The following TFRC variants were observed in gnomAD, a reference collection of about 807,000 sequenced individuals.
TFRC encodes transferrin receptor protein 1.
A neutral mutation model predicts 85.8 loss-of-function variants in TFRC; 35 were observed. The ratio of observed to expected loss-of-function variants is 0.41; its 90% CI spans 0.31 to 0.54. The LOEUF (loss-of-function observed/expected upper bound fraction) is 0.54, where lower values mean the gene tolerates loss of function less well. Among genes scored for constraint, TFRC ranks in the 20% least tolerant of loss-of-function variants. The pLI is 0.31. For synonymous variants in TFRC, 362 were observed against 328.6 expected (o/e 1.10, Z -1.10); for missense variants, 828 against 921.5 (o/e 0.90, Z 1.31).
At position 196,069,464 on chromosome 3, in the gene TFRC, A is replaced by G. The variant is rs779192331; in HGVS notation, c.792T>C (p.Phe264=). The G allele has an allele frequency of 1.6e-5, 25 of 1,603,666 alleles. 1 individual carries two copies. In the South Asian group the frequency reaches 2.8e-4, roughly 18 times the overall value. The change falls in exon 7 of 19, where the codon TTT becomes TTC. Residue 264 remains phenylalanine, a synonymous_variant. Coordinates refer to ENST00000360110, the MANE Select transcript of TFRC (RefSeq NM_001128148.3). Reference sequence around the variant, plus strand: ...AATAACTCATACTCACCTTTTCTGCAAAGGTGATTTTCCCTGCTCTGACAA... The same window carrying G: ...AATAACTCATACTCACCTTTTCTGCGAAGGTGATTTTCCCTGCTCTGACAA... ...IVIVRAGKIT[F]AEKVANAESL...
In TFRC at chr3:196,058,284, C is replaced by T; in HGVS notation, c.1677G>A (p.Glu559=). The T allele has an allele frequency of 6.2e-7, 1 of 1,613,436 alleles. No homozygotes were observed. Among genetic ancestry groups the T allele is most frequent in the Non-Finnish European group, 8.5e-7 (1 of 1,179,566 alleles). ...TTGTCATTTAAATGAACAGACTTAC[C>T]TCGCAAAAACAGAAAGAAACTGCTG... ...GIPAVSFCFC[E]DTDYPYLGTT... is the part of the protein sequence containing the mutation. Residue 559 remains glutamate, a splice_region_variant and synonymous_variant, in exon 16 of 19, where the codon GAG becomes GAA. Coordinates refer to ENST00000360110, the MANE Select transcript of TFRC (RefSeq NM_001128148.3).
chr3:196,056,469 G>A (rs776341812), intron 16 of TFRC, among the ~76,000 whole-genome samples: 6 of 152,150 alleles, frequency 3.9e-5, no homozygotes, highest in South Asian at 2.1e-4. Flanking sequence ...GCACGATCTC[G>A]GCTCACTGCA....
In TFRC at chr3:196,053,408, G is replaced by T; in HGVS notation, c.2040+10C>A. The T allele has an allele frequency of 3.1e-6, 5 of 1,614,012 alleles. No homozygotes were observed. The highest frequency in any genetic ancestry group is 4.2e-6 in the Non-Finnish European group (5 of 1,179,950). On this transcript the variant is annotated intron_variant, in intron 18 of 18. Transcript: ENST00000360110. ...TACTTTAGTTCCTCCTTTCCCAAAA[G>T]TTCACTTACTCTCATGACACGATCA...
rs151084235 is a variant in TFRC, at chr3:196,073,380, C to G, written c.434+550G>C. ...AGGCTATGGTAGGGGGATGAAGCTG[C>G]GGTGAGATGAGAGCACGCCACCGTA... On this transcript the variant is annotated intron_variant, in intron 4 of 18. Coordinates refer to ENST00000360110, the MANE Select transcript of TFRC (RefSeq NM_001128148.3). Among the ~76,000 whole-genome samples, 479 of 151,404 alleles carry G rather than the reference C, an allele frequency of 3.2e-3. 3 individuals carry two copies. The highest frequency in any genetic ancestry group is 0.011 in the African/African-American group (461 of 41,238).
intron 16 of TFRC, chr3:196,055,671 GTCTC>G (rs201252049): frequency 1.7e-5 from 5 of 295,774 alleles, no homozygotes; most frequent in Non-Finnish European, 2.6e-5. Context: ...TTGAGACGAG[GTCTC>G]TCTGTCACCC....
In TFRC at chr3:196,081,589, T is replaced by G. The variant is rs746324389; in HGVS notation, c.-24+454A>C. 6.6e-5 allele frequency among the ~76,000 whole-genome samples: 10 copies of G among 152,306 alleles called. No individual in the cohort carries two copies. The South Asian group carries it at 2.1e-3, about 32-fold the overall frequency. On this transcript the variant is annotated intron_variant, in intron 1 of 18. Transcript: ENST00000360110. ...GCGCCGCACGCCGCGCAGCTGCACCTTGGCTGCGCCCGCGCTCCCGGACCC... is the reference window on the plus strand; with the variant it reads ...GCGCCGCACGCCGCGCAGCTGCACCGTGGCTGCGCCCGCGCTCCCGGACCC...
intron 12 of TFRC, 91 bp downstream of exon 12, chr3:196,062,763 G>T (rs1717391188): frequency 8.3e-6 from 13 of 1,556,900 alleles, no homozygotes; most frequent in African/African-American, 4.1e-5. Context: ...AGGCAAAAGT[G>T]GTAAAATCAA....
rs1716228001 is a variant in TFRC at position 196,050,531 on chromosome 3, C to T, written c.*1411G>A. The T allele has an allele frequency of 1.5e-5, 3 of 203,424 alleles. No individual in the cohort carries two copies. Among genetic ancestry groups the T allele is most frequent in the East Asian group, 7.6e-5 (1 of 13,148 alleles). The allele number at this position is 203,424 out of a possible 1,614,324, so 12.6% of individuals were successfully genotyped here. A position where few individuals can be genotyped will look rare whatever the true frequency, so the allele number is the denominator to read the frequency against. On this transcript the variant is annotated 3_prime_UTR_variant, in exon 19 of 19. Transcript: ENST00000360110. ...TGTAACATATGGAGATCACTGTCTC[C>T]GATACAGACACTGTGGTAGGTAAAA... is the stretch of plus-strand genomic sequence containing the variant.
chr3:196,061,746 T>C (rs1717301714), intron 13 of TFRC, among the ~76,000 whole-genome samples: 1 of 152,114 alleles, frequency 6.6e-6, no homozygotes, highest in Non-Finnish European at 1.5e-5. Context: ...TGCCTTGGCC[T>C]CCCAAGTGCT....
chr3:196,068,051 T>G lies in TFRC; in HGVS notation c.881A>C (p.Glu294Ala). 1 of 1,613,076 alleles carries G rather than the reference T, an allele frequency of 6.2e-7. No homozygotes were observed. Among genetic ancestry groups the G allele is most frequent in the South Asian group, 1.1e-5 (1 of 90,670 alleles). Residue 294 changes from glutamate to alanine, a missense_variant, in exon 8 of 19, where the codon GAA (glutamate) becomes GCA (alanine). By Grantham distance (107) the Glu-to-Ala change is moderately radical (BLOSUM62 -1). Transcript: ENST00000360110. ...DQTKFPIVNA[E>A]LSFFGHAHLG... Reference sequence around the variant, plus strand: ...ACTCACATGTCCAAAGAATGAAAGTTCTGCGTTAACAATGGGAAATTTAGT... The same window carrying G: ...ACTCACATGTCCAAAGAATGAAAGTGCTGCGTTAACAATGGGAAATTTAGT...
chr3:196,077,511 G>C (rs1487655013), intron 1 of TFRC, among the ~76,000 whole-genome samples: 2 of 151,916 alleles, frequency 1.3e-5, no homozygotes, highest in East Asian at 2.0e-4. Flanking sequence ...TAGCACTTTG[G>C]GAGGCTGAGA....
rs781090564 is a variant in TFRC at position 196,065,424 on chromosome 3, G to C, written c.1198+19C>G. 4.8e-4 allele frequency: 338 copies of C among 710,652 alleles called. 29 individuals are homozygous for C. The highest frequency in any genetic ancestry group is 4.2e-3 in the South Asian group (189 of 45,124). The allele number at this position is 710,652 out of a possible 1,614,324, so 44.0% of individuals were successfully genotyped here. ...AACAAAAAAAAAGCGGGGCGGGGGG[G>C]GGGGGGGGCGGTCTTTACCTGGTTC... On this transcript the variant is annotated intron_variant, in intron 10 of 18. Coordinates refer to ENST00000360110, the MANE Select transcript of TFRC (RefSeq NM_001128148.3).
At chr3:196,078,592 G>C (rs1330022944) in intron 1 of TFRC, among the ~76,000 whole-genome samples, 1 of 151,920 alleles carries the variant, frequency 6.6e-6, no homozygotes, top group African/African-American at 2.4e-5. Flanking sequence ...GGGAGGTGGA[G>C]GTTGCAGTGA....
intron 7 of TFRC, among the ~76,000 whole-genome samples, chr3:196,068,946 G>C (rs199711374): frequency 7.4e-6 from 1 of 134,974 alleles, no homozygotes; most frequent in Non-Finnish European, 1.6e-5. Flanking sequence ...AAAAAAAAAA[G>C]AAAAGAAAAA....
chr3:196,067,993 AG>A (rs1560081245), intron 8 of TFRC, 38 bp downstream of exon 8: 19 of 1,531,126 alleles, frequency 1.2e-5, no homozygotes, highest in Admixed American at 8.7e-5. Flanking sequence ...GAACAACTCA[AG>A]GAACTCAAAA....
chr3:196,054,801 G>A (rs1477703798), intron 17 of TFRC, among the ~76,000 whole-genome samples: 2 of 152,154 alleles, frequency 1.3e-5, no homozygotes, highest in Non-Finnish European at 2.9e-5. Flanking sequence ...TTCATATTCC[G>A]TGTCCTACTG....
chr3:196,064,405 G>A lies in TFRC; in HGVS notation c.1222C>T (p.Gln408Ter). The change falls in exon 11 of 19, where the codon CAG becomes TAG. Residue 408 changes from glutamine (Q) to a stop codon, truncating the protein, a stop_gained. Coordinates refer to ENST00000360110, the MANE Select transcript of TFRC (RefSeq NM_001128148.3). LOFTEE classifies it high-confidence loss of function. ...EPDHYVVVGA[Q>*]RDAWGPGAAK... ...GCTCCAGGGCCCCATGCATCTCTCT[G>A]GGCCCCAACTACAACATAGTGATCT... The A allele has an allele frequency of 6.2e-7, 1 of 1,607,922 alleles. No individual in the cohort carries two copies. Among genetic ancestry groups the A allele is most frequent in the Non-Finnish European group, 8.5e-7 (1 of 1,178,482 alleles).
In TFRC at chr3:196,052,149, T is replaced by C. The variant is rs141765565; in HGVS notation, c.2076A>G (p.Pro692=). ...AGACATGTCGGAAAGGAGACTCTTT[T>C]GGAGATACGTAGGGAGAGAGGAAGT... ...EYHFLSPYVS[P]KESPFRHVFW... is the part of the protein sequence containing the mutation. The change falls in exon 19 of 19, where the codon CCA becomes CCG. Residue 692 remains proline, a synonymous_variant. Coordinates refer to ENST00000360110, the MANE Select transcript of TFRC (RefSeq NM_001128148.3). 38 of 1,614,074 alleles carry C rather than the reference T, an allele frequency of 2.4e-5. No individual in the cohort carries two copies. The African/African-American group carries it at 4.7e-4, about 20-fold the overall frequency.
intron 17 of TFRC, 21 bp downstream of exon 17, chr3:196,055,059 G>A (rs771453098): frequency 3.7e-5 from 59 of 1,606,940 alleles, no homozygotes; most frequent in Admixed American, 1.2e-4. Context: ...AAATAAAAAC[G>A]TAATTGGAAT....
Sources: gnomAD v4.1 joint callset for allele counts (sites outside exome capture counted in the v4.1 genomes callset) on GRCh38, gnomAD v4.1.1 for gene constraint, MANE v1.5 for transcripts, NCBI Gene and HGNC (gene_info 2026-07-23, HGNC 2026-07-21) for gene names.